Variants in ARHGEF28 observed in about 807,000 individuals in gnomAD.
The protein encoded by ARHGEF28 is 190 kDa guanine nucleotide exchange factor.
Under a neutral mutation model 206.6 loss-of-function variants are expected in ARHGEF28, and 152 were observed. The ratio of observed to expected loss-of-function variants is 0.74; its 90% CI spans 0.64 to 0.84. The LOEUF is 0.84. Ranked by LOEUF, ARHGEF28 falls within the 40% of genes least tolerant of loss-of-function variation. The pLI is 0.00. For synonymous variants in ARHGEF28, 763 were observed against 776.4 expected, an observed-to-expected ratio of 0.98 and a Z score of 0.29; for missense variants, 2,028 against 2,073.2, an observed-to-expected ratio of 0.98 and a Z score of 0.42.
At chr5:73,817,247 C>T (rs963435209) in intron 9 of ARHGEF28, among the ~76,000 whole-genome samples, 37 of 152,182 alleles carry the variant, frequency 2.4e-4, no homozygotes, top group African/African-American at 8.7e-4. Flanking sequence ...CATTTGTTTT[C>T]TTTTTGCTGG....
chr5:73,762,354 G>A (rs1752645780), intron 4 of ARHGEF28, among the ~76,000 whole-genome samples: 1 of 151,052 alleles, frequency 6.6e-6, no homozygotes, highest in South Asian at 2.1e-4. Context: ...TACTTGGGAG[G>A]CTGAGGCAGG....
chr5:73,818,190 G>T (rs944732152), intron 9 of ARHGEF28, among the ~76,000 whole-genome samples: 9 of 152,124 alleles, frequency 5.9e-5, no homozygotes, highest in African/African-American at 2.2e-4. Context: ...GATTAGGCAT[G>T]CGGGGAATGG....
chr5:73,809,004 C>G (rs183938022), intron 9 of ARHGEF28, among the ~76,000 whole-genome samples: 9 of 152,202 alleles, frequency 5.9e-5, no homozygotes, highest in Admixed American at 3.9e-4. Flanking sequence ...GTAATCCCAG[C>G]ACTTTGGTGG....
intron 26 of ARHGEF28, among the ~76,000 whole-genome samples, chr5:73,891,147 CCCA>C (rs1347972886): frequency 1.3e-5 from 2 of 152,184 alleles, no homozygotes; most frequent in African/African-American, 4.8e-5. Flanking sequence ...CCCATTCCCA[CCCA>C]CCAAGGGCTC....
At chr5:73,807,719 C>T (rs962080653) in intron 9 of ARHGEF28, among the ~76,000 whole-genome samples, 9 of 152,100 alleles carry the variant, frequency 5.9e-5, no homozygotes, top group East Asian at 1.9e-4. Context: ...CTCCTGACCT[C>T]AGGCAATCCA....
chr5:73,719,406 G>T (rs1465064122), intron 2 of ARHGEF28, among the ~76,000 whole-genome samples: 2 of 128,718 alleles, frequency 1.6e-5, no homozygotes, highest in African/African-American at 6.8e-5. Context: ...GGGAGACTCC[G>T]TCTCAGAAAA....
chr5:73,794,562 C>A, intron 8 of ARHGEF28, 108 bp downstream of exon 8: 1 of 913,296 alleles, frequency 1.1e-6, no homozygotes, highest in South Asian at 1.6e-5. Flanking sequence ...AGGATGTGCC[C>A]CAAGTCACTT....
chr5:73,877,310 C>T (rs1242319775), intron 22 of ARHGEF28, among the ~76,000 whole-genome samples: 1 of 150,136 alleles, frequency 6.7e-6, no homozygotes, highest in East Asian at 1.9e-4. Flanking sequence ...ATTCTTCTCT[C>T]TTTTCTTCTT....
At chr5:73,848,275 T>G (rs1452849507) in intron 12 of ARHGEF28, among the ~76,000 whole-genome samples, 1 of 152,114 alleles carries the variant, frequency 6.6e-6, no homozygotes, top group Admixed American at 6.6e-5. Context: ...TCATGTATGT[T>G]GCCAATATAA....
rs113859290 is a variant in ARHGEF28, at chr5:73,694,452, C to T, written c.33+9568C>T. On this transcript the variant is annotated intron_variant, in intron 2 of 35. Coordinates refer to ENST00000513042, the MANE Select transcript of ARHGEF28 (RefSeq NM_001177693.2). ...TTTTTAATAAAGAACTTGAAGTAGCCGATATTTTTGTTCTGTTTGAGTTTT... is the reference window on the plus strand; with the variant it reads ...TTTTTAATAAAGAACTTGAAGTAGCTGATATTTTTGTTCTGTTTGAGTTTT... 4.6e-5 allele frequency among the ~76,000 whole-genome samples: 7 copies of T among 152,126 alleles called. 1 individual carries two copies. The highest frequency in any genetic ancestry group is 4.2e-4 in the South Asian group (2 of 4,812).
At chr5:73,679,638 T>G (rs1561328560) in intron 1 of ARHGEF28, among the ~76,000 whole-genome samples, 1 of 151,600 alleles carries the variant, frequency 6.6e-6, no homozygotes, top group Non-Finnish European at 1.5e-5. Context: ...TCTTTTGAAA[T>G]ACATTTTCTC....
chr5:73,790,047 C>T (rs976954632), intron 7 of ARHGEF28, among the ~76,000 whole-genome samples: 1 of 152,164 alleles, frequency 6.6e-6, no homozygotes, highest in African/African-American at 2.4e-5. Flanking sequence ...AGAGTAGGCA[C>T]ACCATGGAGA....
intron 35 of ARHGEF28, among the ~76,000 whole-genome samples, chr5:73,939,825 T>C (rs1742484694): frequency 3.3e-5 from 5 of 152,252 alleles, no homozygotes; most frequent in Admixed American, 3.3e-4. Context: ...ATCTAAATAA[T>C]AGAGGCTTTG....
At chr5:73,741,497 G>C (rs1751432558) in intron 2 of ARHGEF28, among the ~76,000 whole-genome samples, 1 of 146,750 alleles carries the variant, frequency 6.8e-6, no homozygotes, top group Non-Finnish European at 1.5e-5. Context: ...TTGGCTCACT[G>C]CAACCTCTGC....
intron 35 of ARHGEF28, among the ~76,000 whole-genome samples, chr5:73,918,660 C>T (rs111911567): frequency 8.5e-5 from 13 of 152,098 alleles, no homozygotes; most frequent in African/African-American, 3.1e-4. Flanking sequence ...AGGCCAGAGG[C>T]TTAAAACTTG....
At chr5:73,639,404 G>A (rs925723423) in intron 1 of ARHGEF28, among the ~76,000 whole-genome samples, 4 of 151,702 alleles carry the variant, frequency 2.6e-5, no homozygotes, top group Non-Finnish European at 4.4e-5. Context: ...ACATTCATAT[G>A]TTTGTTTTTG....
chr5:73,648,053 C>T (rs934579893), intron 1 of ARHGEF28, among the ~76,000 whole-genome samples: 1 of 152,138 alleles, frequency 6.6e-6, no homozygotes, highest in African/African-American at 2.4e-5. Flanking sequence ...AATGTTTTGA[C>T]TCTTATCCAT....
intron 1 of ARHGEF28, among the ~76,000 whole-genome samples, chr5:73,639,171 A>G (rs904656979): frequency 1.3e-5 from 2 of 151,056 alleles, no homozygotes; most frequent in African/African-American, 4.9e-5. Context: ...ACTTACATGA[A>G]GTATTGTTCA....
chr5:73,915,098 A>G (rs1481613759), intron 35 of ARHGEF28, among the ~76,000 whole-genome samples: 1 of 152,086 alleles, frequency 6.6e-6, no homozygotes, highest in Admixed American at 6.5e-5. Context: ...ATCCTTTTGT[A>G]ATGCCTAGTG....
Sources: gnomAD v4.1 joint callset for allele counts (sites outside exome capture counted in the v4.1 genomes callset) on GRCh38, gnomAD v4.1.1 for gene constraint, MANE v1.5 for transcripts, NCBI Gene and HGNC (gene_info 2026-07-23, HGNC 2026-07-21) for gene names.